The following ZNF462 variants were observed in gnomAD, a reference collection of about 807,000 sequenced individuals.
ZNF462 encodes the protein zinc finger PBX1-interacting protein.
In ZNF462, 10 loss-of-function variants were observed where a neutral mutation model predicts 201.9. The observed-to-expected ratio is 0.05, with a 90% CI of 0.03 to 0.08. ZNF462 has a LOEUF of 0.08. Among genes scored for constraint, ZNF462 ranks in the 10% least tolerant of loss-of-function variants. The pLI, the probability that ZNF462 is intolerant of heterozygous loss-of-function variation, is 1.00. For synonymous variants in ZNF462, 1,227 were observed against 1,193.3 expected, an observed-to-expected ratio of 1.03 and a Z score of -0.58; for missense variants, 2,523 against 3,168.3, an observed-to-expected ratio of 0.80 and a Z score of 4.89.
rs1484688003 is a variant in ZNF462 at position 106,959,914 on chromosome 9, G to T, written c.6428-12091G>T. Reference sequence around the variant, plus strand: ...GTGGGGTGAGTTTGGAGTGGGTGGAGGAGCTATCCTAAGGGAACAACCTAC... The same window carrying T: ...GTGGGGTGAGTTTGGAGTGGGTGGATGAGCTATCCTAAGGGAACAACCTAC... On this transcript the variant is annotated intron_variant, in intron 7 of 12. Transcript: ENST00000277225. Among the ~76,000 whole-genome samples the T allele has an allele frequency of 3.9e-5, 6 of 151,944 alleles. No homozygotes were observed. In the South Asian group the frequency reaches 1.0e-3, roughly 26 times the overall value.
chr9:106,992,395 T>A (rs1010235542), intron 10 of ZNF462, among the ~76,000 whole-genome samples: 1 of 152,116 alleles, frequency 6.6e-6, no homozygotes, highest in African/African-American at 2.4e-5. Context: ...CATTGCTGAT[T>A]GGAATGTAAA....
At chr9:106,967,032 C>T (rs1832105872) in intron 7 of ZNF462, among the ~76,000 whole-genome samples, 1 of 152,090 alleles carries the variant, frequency 6.6e-6, no homozygotes, top group Non-Finnish European at 1.5e-5. Context: ...CTCTGCGGCT[C>T]CTACAATTTG....
chr9:106,900,213 T>A (rs1588023550), intron 1 of ZNF462, among the ~76,000 whole-genome samples: 1 of 98,312 alleles, frequency 1.0e-5, no homozygotes, highest in African/African-American at 4.3e-5. Flanking sequence ...CGTGTGTGTG[T>A]GTGTGTGTGT....
chr9:106,936,547 T>C (rs1486844104), intron 6 of ZNF462, among the ~76,000 whole-genome samples: 1 of 152,218 alleles, frequency 6.6e-6, no homozygotes, highest in East Asian at 1.9e-4. Flanking sequence ...CAAACTCCAC[T>C]AGGAGTAAGG....
chr9:106,923,400 G>A lies in ZNF462; in HGVS notation c.17G>A (p.Cys6Tyr). 1 of 1,614,160 alleles carries A rather than the reference G, an allele frequency of 6.2e-7. No homozygotes were observed. Among genetic ancestry groups the A allele is most frequent in the Non-Finnish European group, 8.5e-7 (1 of 1,180,034 alleles). Residue 6 changes from cysteine to tyrosine, a missense_variant, in exon 2 of 13, where the codon TGT (cysteine) becomes TAT (tyrosine). This residue lies in a region of ZNF462 where 480 missense variants were observed against 544.4 expected (regional missense o/e 0.88). Transcript: ENST00000277225. The surrounding 1 kb of genome is among the most constrained non-coding windows in gnomAD (Gnocchi z 5.6). Reference protein sequence around the residue: MEVLQCDGCDFRAPSY... With the variant: MEVLQYDGCDFRAPSY... ...ACCCAGATCATGGAGGTGCTTCAGT[G>A]TGATGGCTGTGATTTCCGAGCCCCG...
rs1830515156 is a variant in ZNF462 at position 106,933,732 on chromosome 9, G to C, written c.6116+1183G>C. Reference sequence around the variant, plus strand: ...CTATGATGTGTCAAAGAAGAGAAATGTTACATCAGCTTTGGAAGAGTCAGG... The same window carrying C: ...CTATGATGTGTCAAAGAAGAGAAATCTTACATCAGCTTTGGAAGAGTCAGG... On this transcript the variant is annotated intron_variant, in intron 5 of 12. Coordinates refer to ENST00000277225, the MANE Select transcript of ZNF462 (RefSeq NM_021224.6). This position sits in a 1 kb window ranked among gnomAD's most constrained non-coding sequence, Gnocchi z 4.3. Among the ~76,000 whole-genome samples, 1 of 152,168 alleles carries C rather than the reference G, an allele frequency of 6.6e-6. No homozygotes were observed.
chr9:106,997,524 G>T (rs1828826312), intron 10 of ZNF462, among the ~76,000 whole-genome samples: 1 of 152,168 alleles, frequency 6.6e-6, no homozygotes, highest in Admixed American at 6.5e-5. Flanking sequence ...TACCATTTGG[G>T]ACTGTATGGA....
At chr9:106,878,983 A>C (rs192110687) in intron 1 of ZNF462, among the ~76,000 whole-genome samples, 15 of 142,962 alleles carry the variant, frequency 1.0e-4, no homozygotes, top group African/African-American at 3.7e-4. Context: ...AATTTAATAA[A>C]GTAAAGTTTA....
chr9:106,864,039 GCTCTCTCTCTCTCTCTCTCTCT>G (rs773917122), intron 1 of ZNF462, among the ~76,000 whole-genome samples: 257 of 22,750 alleles, frequency 0.011, 5 homozygotes, highest in Non-Finnish European at 0.013. Flanking sequence ...CAGGTATTTG[GCTCTCTCTCTCTCTCTCTCTCT>G]CTCTCTCTCT....
chr9:106,990,431 C>A (rs1287558410), intron 10 of ZNF462, among the ~76,000 whole-genome samples: 1 of 151,892 alleles, frequency 6.6e-6, no homozygotes, highest in Non-Finnish European at 1.5e-5. Context: ...ATCTGTTAAG[C>A]CCATTTTTTC....
At chr9:106,944,823 G>T (rs976872590) in intron 7 of ZNF462, among the ~76,000 whole-genome samples, 1 of 152,004 alleles carries the variant, frequency 6.6e-6, no homozygotes, top group Non-Finnish European at 1.5e-5. Context: ...TTTCTGTGCC[G>T]GCTTATTGGC....
At chr9:107,007,063 A>T (rs1336974396) in intron 11 of ZNF462, among the ~76,000 whole-genome samples, 1 of 152,172 alleles carries the variant, frequency 6.6e-6, no homozygotes, top group African/African-American at 2.4e-5. Context: ...TTTGACAGAA[A>T]GACTCCTTTT....
chr9:107,005,652 T>C lies in ZNF462; in HGVS notation c.7189+2226T>C, dbSNP rs1391921560. Among the ~76,000 whole-genome samples, 1 of 152,186 alleles carries C rather than the reference T, an allele frequency of 6.6e-6. No individual in the cohort carries two copies. Among genetic ancestry groups the C allele is most frequent in the Non-Finnish European group, 1.5e-5 (1 of 68,022 alleles). ...ATAGGTTGTCTATTACTGTGTTGAT[T>C]GTTTCCTTGGCTGTGCAGAAGCTGT... On this transcript the variant is annotated intron_variant, in intron 11 of 12. Transcript: ENST00000277225. The surrounding 1 kb of genome is among the most constrained non-coding windows in gnomAD (Gnocchi z 4.4).
chr9:106,910,362 G>GTTTT (rs1011376719), intron 1 of ZNF462, among the ~76,000 whole-genome samples: 106 of 64,708 alleles, frequency 1.6e-3, no homozygotes, highest in East Asian at 2.8e-3. Context: ...CCTTGTTTTA[G>GTTTT]TTTTTTTTTT....
Position 106,929,947 on chromosome 9 carries a change from C to G in ZNF462, c.5847+188C>G, listed in dbSNP as rs1830356383. On this transcript the variant is annotated intron_variant, in intron 3 of 12. Coordinates refer to ENST00000277225, the MANE Select transcript of ZNF462 (RefSeq NM_021224.6). The surrounding 1 kb of genome is among the most constrained non-coding windows in gnomAD (Gnocchi z 8.7). ...TTCTGTGCTCACCCCTCTCCTTGGT[C>G]CCTTCTCCTCCCTCCTTCCCTTTGA... 2.6e-5 allele frequency among the ~76,000 whole-genome samples: 4 copies of G among 152,086 alleles called. No individual in the cohort carries two copies. Among genetic ancestry groups the G allele is most frequent in the Non-Finnish European group, 4.4e-5 (3 of 68,022 alleles).
At chr9:106,990,448 A>G (rs1000538404) in intron 10 of ZNF462, among the ~76,000 whole-genome samples, 1 of 151,990 alleles carries the variant, frequency 6.6e-6, no homozygotes, top group African/African-American at 2.4e-5. Flanking sequence ...TTTCCAAGGT[A>G]TAGTTTAAAT....
At chr9:106,882,736 C>T (rs1828153421) in intron 1 of ZNF462, among the ~76,000 whole-genome samples, 2 of 152,096 alleles carry the variant, frequency 1.3e-5, no homozygotes, top group South Asian at 4.1e-4. Context: ...GATTCAAGGC[C>T]ATTGGTTCTG....
At chr9:106,987,890 A>G (rs947582527) in intron 10 of ZNF462, among the ~76,000 whole-genome samples, 2 of 152,110 alleles carry the variant, frequency 1.3e-5, no homozygotes, top group Non-Finnish European at 2.9e-5. Context: ...TGGCTAGCCA[A>G]TTATCCCAGC....
intron 7 of ZNF462, among the ~76,000 whole-genome samples, chr9:106,960,229 C>G (rs1179107987): frequency 6.6e-6 from 1 of 152,040 alleles, no homozygotes; most frequent in Non-Finnish European, 1.5e-5. Flanking sequence ...GTGCTCTTTC[C>G]TCTTGATTAT....
Sources: gnomAD v4.1 joint callset for allele counts (sites outside exome capture counted in the v4.1 genomes callset) on GRCh38, gnomAD v4.1.1 for gene constraint, gnomAD v4.1.1 regional missense constraint, Gnocchi (gnomAD v3.1) non-coding constraint, MANE v1.5 for transcripts, NCBI Gene and HGNC (gene_info 2026-07-23, HGNC 2026-07-21) for gene names.